Variants in SPAST observed in about 807,000 individuals in gnomAD.
SPAST encodes the protein spastic paraplegia 4 (autosomal dominant; spastin).
A neutral mutation model predicts 76.6 loss-of-function variants in SPAST; 30 were observed. The ratio of observed to expected loss-of-function variants is 0.39; its 90% CI spans 0.29 to 0.53. The LOEUF is 0.53. SPAST is among the 20% of genes least tolerant of loss of function. The pLI is 0.68. For synonymous variants in SPAST, 305 were observed against 281.0 expected, an observed-to-expected ratio of 1.09 and a Z score of -0.86; for missense variants, 717 against 770.5, an observed-to-expected ratio of 0.93 and a Z score of 0.82.
chr2:32,081,936 T>C (rs1199667783), intron 1 of SPAST, among the ~76,000 whole-genome samples: 1 of 151,456 alleles, frequency 6.6e-6, no homozygotes, highest in Non-Finnish European at 1.5e-5. Context: ...TTTGGTAATT[T>C]TCATTGTTTT....
intron 3 of SPAST, among the ~76,000 whole-genome samples, chr2:32,096,584 A>G (rs1006525233): frequency 1.3e-5 from 2 of 152,234 alleles, no homozygotes; most frequent in African/African-American, 4.8e-5. Flanking sequence ...GTCTGTTTCT[A>G]CACATATAAA....
intron 2 of SPAST, among the ~76,000 whole-genome samples, chr2:32,089,071 G>A (rs1677606072): frequency 6.6e-6 from 1 of 152,098 alleles, no homozygotes; most frequent in African/African-American, 2.4e-5. Context: ...GGTATTATAT[G>A]TATTCTTTGA....
chr2:32,115,771 T>G lies in SPAST; in HGVS notation c.940T>G (p.Leu314Val). 2 of 1,611,676 alleles carry G rather than the reference T, an allele frequency of 1.2e-6. No individual in the cohort carries two copies. Among genetic ancestry groups the G allele is most frequent in the Non-Finnish European group, 1.7e-6 (2 of 1,178,160 alleles). The change falls in exon 6 of 17, where the codon TTG (leucine) becomes GTG (valine). Residue 314 changes from leucine (L) to valine (V), a missense_variant. Transcript: ENST00000315285. Reference sequence around the variant, plus strand: ...AACTGCTACTCGTAAGAAAAAAGACTTGAAGAATTTTAGGAATGTGGACAG... The same window carrying G: ...AACTGCTACTCGTAAGAAAAAAGACGTGAAGAATTTTAGGAATGTGGACAG... Reference protein sequence around the residue: ...PTTATRKKKDLKNFRNVDSNL... With the variant: ...PTTATRKKKDVKNFRNVDSNL...
chr2:32,154,625 C>A lies in SPAST; in HGVS notation c.*129C>A. ...TTTTAGAGTCTTACATATTTGTGCA[C>A]CAAACTTGAAGATGAACCAGAAAAC... On this transcript the variant is annotated 3_prime_UTR_variant, in exon 17 of 17. Coordinates refer to ENST00000315285, the MANE Select transcript of SPAST (RefSeq NM_014946.4). 1.1e-6 allele frequency: 1 copy of A among 924,934 alleles called. No individual in the cohort carries two copies. The highest frequency in any genetic ancestry group is 1.7e-6 in the Non-Finnish European group (1 of 592,888). 57.3% of individuals were successfully genotyped at this position (924,934 alleles called of 1,614,324 possible).
At chr2:32,125,806 T>C (rs1573137093) in intron 7 of SPAST, among the ~76,000 whole-genome samples, 1 of 152,086 alleles carries the variant, frequency 6.6e-6, no homozygotes, top group Non-Finnish European at 1.5e-5. Flanking sequence ...TTTGTTTGTT[T>C]GTTTTTGAGA....
intron 1 of SPAST, chr2:32,066,027 G>GC (rs985910367): frequency 1.6e-4 from 23 of 148,252 alleles, no homozygotes; most frequent in African/African-American, 5.8e-4. Context: ...AGACTGGAGT[G>GC]CAGTGGCGTG....
At chr2:32,095,291 G>A (rs1269193568) in intron 3 of SPAST, among the ~76,000 whole-genome samples, 1 of 152,210 alleles carries the variant, frequency 6.6e-6, no homozygotes, top group African/African-American at 2.4e-5. Flanking sequence ...AGTCATCACT[G>A]CAGGATGGGT....
At chr2:32,141,973 T>C (rs1558339995) in intron 13 of SPAST, 27 bp downstream of exon 13, 1 of 1,583,270 alleles carries the variant, frequency 6.3e-7, no homozygotes, top group Non-Finnish European at 8.7e-7. Context: ...GAATTTTTTT[T>C]GTTTTAGAGC....
chr2:32,141,229 T>G (rs1679710428), intron 12 of SPAST, among the ~76,000 whole-genome samples: 1 of 152,230 alleles, frequency 6.6e-6, no homozygotes. Flanking sequence ...GACATTGTCT[T>G]CCCGCCAGAC....
intron 3 of SPAST, among the ~76,000 whole-genome samples, chr2:32,091,691 A>G (rs1677724537): frequency 6.6e-6 from 1 of 151,774 alleles, no homozygotes; most frequent in Non-Finnish European, 1.5e-5. Flanking sequence ...AAAACTAGCC[A>G]GGTGTGGTGG....
At chr2:32,073,959 T>C (rs1022697085) in intron 1 of SPAST, among the ~76,000 whole-genome samples, 2 of 152,192 alleles carry the variant, frequency 1.3e-5, no homozygotes, top group African/African-American at 4.8e-5. Flanking sequence ...GCTTTGTCAA[T>C]GCCCTCCAGT....
chr2:32,113,118 A>G (rs1678678298), intron 4 of SPAST, among the ~76,000 whole-genome samples: 1 of 152,114 alleles, frequency 6.6e-6, no homozygotes, highest in Non-Finnish European at 1.5e-5. Flanking sequence ...TTTCAATTAA[A>G]ATTGATTATT....
chr2:32,116,349 A>G (rs1678834474), intron 7 of SPAST, 137 bp downstream of exon 7: 2 of 653,262 alleles, frequency 3.1e-6, no homozygotes, highest in Non-Finnish European at 5.4e-6. Flanking sequence ...ATGTTTTAAA[A>G]AAGATAAAAC....
rs979080197 is a variant in SPAST, at chr2:32,114,782, C to G, written c.827C>G (p.Ser276Cys). 1.2e-6 allele frequency: 2 copies of G among 1,613,982 alleles called. No individual in the cohort carries two copies. Among genetic ancestry groups the G allele is most frequent in the African/African-American group, 2.7e-5 (2 of 74,904 alleles). The change falls in exon 5 of 17, where the codon TCT becomes TGT. Residue 276 changes from serine (S) to cysteine (C), a missense_variant. This residue lies in a region of SPAST where 543 missense variants were observed against 445.2 expected (regional missense o/e 1.22). Coordinates refer to ENST00000315285, the MANE Select transcript of SPAST (RefSeq NM_014946.4). The stretch of plus-strand genomic sequence containing the variant: ...AGTTACAGTGGTTTATCCATGGTTT[C>G]TGGAGTGAAACAGGGATCTGGTCCT... ...APSYSGLSMVSGVKQGSGPAP... is the reference protein window; with the variant it reads ...APSYSGLSMVCGVKQGSGPAP...
chr2:32,098,782 T>A lies in SPAST; in HGVS notation c.587-14T>A, dbSNP rs1359587805. 3 of 1,562,894 alleles carry A rather than the reference T, an allele frequency of 1.9e-6. No individual in the cohort carries two copies. Among genetic ancestry groups the A allele is most frequent in the Non-Finnish European group, 2.6e-6 (3 of 1,133,304 alleles). Reference sequence around the variant, plus strand: ...TGTTTATTTTTTCTGTTTTTTACCTTCTCTGTTGCATAGAGAAGATGCAAC... The same window carrying A: ...TGTTTATTTTTTCTGTTTTTTACCTACTCTGTTGCATAGAGAAGATGCAAC... On this transcript the variant is annotated splice_polypyrimidine_tract_variant and intron_variant, in intron 3 of 16. Coordinates refer to ENST00000315285, the MANE Select transcript of SPAST (RefSeq NM_014946.4).
chr2:32,079,472 C>G (rs1677111331), intron 1 of SPAST, among the ~76,000 whole-genome samples: 1 of 151,304 alleles, frequency 6.6e-6, no homozygotes, highest in Non-Finnish European at 1.5e-5. Context: ...TACCACTGCT[C>G]TCTAGCATGG....
At chr2:32,141,987 A>C in intron 13 of SPAST, 41 bp downstream of exon 13, 1 of 1,415,856 alleles carries the variant, frequency 7.1e-7, no homozygotes, top group South Asian at 1.2e-5. Flanking sequence ...TTAGAGCAGA[A>C]ACAAGAACTA....
chr2:32,072,676 A>G (rs1385693233), intron 1 of SPAST, among the ~76,000 whole-genome samples: 1 of 152,186 alleles, frequency 6.6e-6, no homozygotes, highest in Non-Finnish European at 1.5e-5. Context: ...TCATAATTCT[A>G]TATAATTCAA....
intron 3 of SPAST, among the ~76,000 whole-genome samples, chr2:32,098,425 G>A (rs140054376): frequency 6.6e-6 from 1 of 152,282 alleles, no homozygotes; most frequent in African/African-American, 2.4e-5. Context: ...TGGTGCCACT[G>A]TACTTCAGCC....
Sources: gnomAD v4.1 joint callset for allele counts (sites outside exome capture counted in the v4.1 genomes callset) on GRCh38, gnomAD v4.1.1 for gene constraint, gnomAD v4.1.1 regional missense constraint, MANE v1.5 for transcripts, NCBI Gene and HGNC (gene_info 2026-07-23, HGNC 2026-07-21) for gene names.